Variants in IRAK2 observed in about 807,000 individuals in gnomAD.
The protein encoded by IRAK2 is interleukin-1 receptor-associated kinase-like 2.
IRAK2 carries 57 observed loss-of-function variants against 72.0 expected under a neutral mutation model. That is an observed-to-expected ratio of 0.79 (90% CI 0.64 to 0.99). The LOEUF (loss-of-function observed/expected upper bound fraction) is 0.99, where lower values mean the gene tolerates loss of function less well. Among genes scored for constraint, IRAK2 ranks in the 50% least tolerant of loss-of-function variants. The pLI, the probability that IRAK2 is intolerant of heterozygous loss-of-function variation, is 0.00. For synonymous variants in IRAK2, 293 were observed against 312.7 expected, an observed-to-expected ratio of 0.94 and a Z score of 0.67; for missense variants, 790 against 794.4, an observed-to-expected ratio of 0.99 and a Z score of 0.07.
At position 10,242,312 on chromosome 3, in the gene IRAK2, G is replaced by T. The variant is rs1182161707; in HGVS notation, c.*84G>T. The T allele has an allele frequency of 1.4e-6, 1 of 719,618 alleles. No individual in the cohort carries two copies. 44.6% of individuals were successfully genotyped at this position (719,618 alleles called of 1,614,324 possible). ...GAAAAAGGTCTGAGGCAGAATCCAA[G>T]ATCTGCCAGGAAACACACAACAAAA... On this transcript the variant is annotated 3_prime_UTR_variant, in exon 13 of 13. Coordinates refer to ENST00000256458, the MANE Select transcript of IRAK2 (RefSeq NM_001570.4).
At chr3:10,209,122 C>T (rs1322438464) in intron 3 of IRAK2, among the ~76,000 whole-genome samples, 3 of 152,246 alleles carry the variant, frequency 2.0e-5, no homozygotes, top group East Asian at 3.9e-4. Flanking sequence ...CCTCTGACCT[C>T]GCTCTCCCGT....
chr3:10,205,246 C>A (rs562355924), intron 3 of IRAK2, among the ~76,000 whole-genome samples: 1 of 152,110 alleles, frequency 6.6e-6, no homozygotes, highest in African/African-American at 2.4e-5. Context: ...GTTTCTCCTA[C>A]CACAGATAAC....
At chr3:10,165,446 T>C (rs1465700079) in intron 1 of IRAK2, among the ~76,000 whole-genome samples, 1 of 152,030 alleles carries the variant, frequency 6.6e-6, no homozygotes, top group African/African-American at 2.4e-5. Context: ...TGTGTGTGTG[T>C]GTGTGTGGTG....
At position 10,243,145 on chromosome 3, in the gene IRAK2, C is replaced by T. The variant is rs951193339; in HGVS notation, c.*917C>T. ...TGCCTCTCAGGTTCAAGTGATTCTC[C>T]TGCCTCAGCCTCCTGAGTAGATGGG... On this transcript the variant is annotated 3_prime_UTR_variant, in exon 13 of 13. Transcript: ENST00000256458. 4 of 152,262 alleles carry T rather than the reference C, an allele frequency of 2.6e-5. No homozygotes were observed. The highest frequency in any genetic ancestry group is 9.6e-5 in the African/African-American group (4 of 41,456). 9.4% of individuals were successfully genotyped at this position (152,262 alleles called of 1,614,324 possible).
intron 10 of IRAK2, among the ~76,000 whole-genome samples, chr3:10,230,789 G>A (rs967727348): frequency 6.6e-6 from 1 of 151,952 alleles, no homozygotes; most frequent in Non-Finnish European, 1.5e-5. Flanking sequence ...GTCTTGCTCT[G>A]TCGCCCAGGC....
At chr3:10,236,952 A>G in intron 11 of IRAK2, among the ~76,000 whole-genome samples, 1 of 152,204 alleles carries the variant, frequency 6.6e-6, no homozygotes, top group East Asian at 1.9e-4. Context: ...TTTGTTTGCT[A>G]TCCTTACCAT....
intron 1 of IRAK2, among the ~76,000 whole-genome samples, chr3:10,169,441 C>T (rs369088840): frequency 6.6e-5 from 10 of 152,244 alleles, no homozygotes; most frequent in East Asian, 1.9e-4. Context: ...AGACCTACCC[C>T]GGGAATGCGT....
At chr3:10,187,057 A>G (rs1171309313) in intron 2 of IRAK2, among the ~76,000 whole-genome samples, 2 of 149,478 alleles carry the variant, frequency 1.3e-5, no homozygotes, top group Non-Finnish European at 3.0e-5. Context: ...TCTGAAGTGC[A>G]TTTCTTTTGA....
intron 3 of IRAK2, 88 bp from the exon 4 acceptor site, chr3:10,209,501 G>A (rs1255041975): frequency 1.3e-6 from 1 of 790,358 alleles, no homozygotes; most frequent in Non-Finnish European, 1.9e-6. Context: ...GAGTGAACAG[G>A]AGACTGGCAT....
intron 8 of IRAK2, among the ~76,000 whole-genome samples, chr3:10,221,806 C>T (rs1559450855): frequency 6.6e-6 from 1 of 152,194 alleles, no homozygotes; most frequent in Non-Finnish European, 1.5e-5. Flanking sequence ...GGATTACAGG[C>T]ATGAGTCACT....
intron 3 of IRAK2, among the ~76,000 whole-genome samples, chr3:10,202,422 T>G (rs1044309613): frequency 2.0e-5 from 3 of 151,926 alleles, no homozygotes; most frequent in African/African-American, 7.3e-5. Context: ...AGGAGATCAA[T>G]ACCATCCTGG....
intron 3 of IRAK2, among the ~76,000 whole-genome samples, chr3:10,205,391 C>T (rs953159279): frequency 1.3e-5 from 2 of 152,200 alleles, no homozygotes; most frequent in African/African-American, 2.4e-5. Context: ...CCCAAGACCA[C>T]AGGGATAAAT....
At chr3:10,183,653 G>A (rs112869619) in intron 2 of IRAK2, among the ~76,000 whole-genome samples, 2,030 of 152,210 alleles carry the variant, frequency 0.013, 41 homozygotes, top group African/African-American at 0.047. Context: ...CCCGGGAGGC[G>A]GAGCTTGCAG....
At chr3:10,236,342 G>GTTTTTTTTTTTT (rs34423993) in intron 11 of IRAK2, among the ~76,000 whole-genome samples, 10 of 99,634 alleles carry the variant, frequency 1.0e-4, no homozygotes, top group African/African-American at 3.7e-4. Context: ...AGCCACTAAG[G>GTTTTTTTTTTTT]TTTTTTTTTT....
intron 10 of IRAK2, 69 bp from the exon 11 acceptor site, chr3:10,234,390 T>C: frequency 7.6e-7 from 1 of 1,321,704 alleles, no homozygotes; most frequent in Non-Finnish European, 1.1e-6. Flanking sequence ...TGGAGGTGAG[T>C]GGGGCGCGTG....
At chr3:10,236,959 C>T (rs1697969525) in intron 11 of IRAK2, among the ~76,000 whole-genome samples, 1 of 152,216 alleles carries the variant, frequency 6.6e-6, no homozygotes, top group Non-Finnish European at 1.5e-5. Flanking sequence ...GCTATCCTTA[C>T]CATGTGGCTT....
chr3:10,207,839 A>T lies in IRAK2; in HGVS notation c.425-1750A>T, dbSNP rs1017957092. The stretch of plus-strand genomic sequence containing the variant: ...GAAACCCCATCTCTAATAAAAATAC[A>T]AAAATTAGCCGGCATCATGGCGCAC... On this transcript the variant is annotated intron_variant, in intron 3 of 12. Transcript: ENST00000256458. 3.3e-5 allele frequency among the ~76,000 whole-genome samples: 5 copies of T among 152,096 alleles called. No individual in the cohort carries two copies. In the South Asian group the frequency reaches 1.0e-3, roughly 32 times the overall value.
At chr3:10,193,729 G>A (rs1027277011) in intron 2 of IRAK2, among the ~76,000 whole-genome samples, 3 of 152,224 alleles carry the variant, frequency 2.0e-5, no homozygotes, top group African/African-American at 7.2e-5. Context: ...CGTCACCTGC[G>A]TCCCCTTCCT....
intron 10 of IRAK2, among the ~76,000 whole-genome samples, chr3:10,226,857 A>T (rs1697786116): frequency 6.6e-6 from 1 of 151,712 alleles, no homozygotes; most frequent in Non-Finnish European, 1.5e-5. Context: ...GAGGCAGGAG[A>T]ATCACTTGAA....
Sources: allele counts gnomAD v4.1 joint callset (sites outside exome capture counted in the v4.1 genomes callset), GRCh38; gene constraint gnomAD v4.1.1; transcripts MANE v1.5; gene names NCBI Gene and HGNC (gene_info 2026-07-23, HGNC 2026-07-21).